MYO18B: variants seen among roughly 807,000 people sequenced by gnomAD.
MYO18B encodes the protein myosin XVIIIB.
In MYO18B, 204 loss-of-function variants were observed where a neutral mutation model predicts 273.0. That is an observed-to-expected ratio of 0.75 (90% CI 0.67 to 0.84). The LOEUF is 0.84. Among genes scored for constraint, MYO18B ranks in the 40% least tolerant of loss-of-function variants. The pLI is 0.00. For missense variants in MYO18B, 3,212 were observed against 3,287.6 expected, an observed-to-expected ratio of 0.98 and a Z score of 0.56; for synonymous variants, 1,330 against 1,305.7, an observed-to-expected ratio of 1.02 and a Z score of -0.40.
At chr22:26,060,759 T>C in the MYO18B span, among the ~76,000 whole-genome samples, 2 of 150,734 alleles carry the variant, frequency 1.3e-5, no homozygotes, top group East Asian at 1.9e-4. Context: ...CACATATACA[T>C]ACAAACATGC....
intron 1 of MYO18B, among the ~76,000 whole-genome samples, chr22:25,757,324 G>A (rs1417322435): frequency 1.3e-5 from 2 of 152,180 alleles, no homozygotes; most frequent in Admixed American, 1.3e-4. Flanking sequence ...GGTCAGGCCA[G>A]GTGCAGTGGC....
At position 25,898,303 on chromosome 22, in the gene MYO18B, A is replaced by C. The variant is rs1337588576; in HGVS notation, c.4669-4A>C. 3 of 1,612,076 alleles carry C rather than the reference A, an allele frequency of 1.9e-6. No individual in the cohort carries two copies. The South Asian group carries it at 3.3e-5, about 18-fold the overall frequency. On this transcript the variant is annotated splice_polypyrimidine_tract_variant and splice_region_variant and intron_variant, in intron 28 of 43. Coordinates refer to ENST00000335473, the MANE Select transcript of MYO18B (RefSeq NM_032608.7). Reference sequence around the variant, plus strand: ...CCGGGTAATTCATTCTATTACTCTTACAGCTTGGGGAGTTGCAAAGTGCTT... The same window carrying C: ...CCGGGTAATTCATTCTATTACTCTTCCAGCTTGGGGAGTTGCAAAGTGCTT...
chr22:25,844,520 T>A (rs1375938002), intron 18 of MYO18B, among the ~76,000 whole-genome samples: 3 of 152,216 alleles, frequency 2.0e-5, no homozygotes, highest in Non-Finnish European at 4.4e-5. Context: ...CACTACTCCC[T>A]ATGTGCCTTG....
At chr22:25,999,363 A>T (rs1248455637) in intron 40 of MYO18B, among the ~76,000 whole-genome samples, 1 of 152,142 alleles carries the variant, frequency 6.6e-6, no homozygotes, top group Admixed American at 6.5e-5. Flanking sequence ...ATGAATTTAC[A>T]TGTTACTTCC....
At chr22:25,943,052 C>CT (rs750046598) in intron 34 of MYO18B, among the ~76,000 whole-genome samples, 1 of 152,154 alleles carries the variant, frequency 6.6e-6, no homozygotes, top group African/African-American at 2.4e-5. Context: ...GAAGTAGGGG[C>CT]TGGGCAGATG....
intron 7 of MYO18B, among the ~76,000 whole-genome samples, chr22:25,776,835 A>G (rs2086934446): frequency 6.6e-6 from 1 of 152,196 alleles, no homozygotes; most frequent in African/African-American, 2.4e-5. Context: ...TCACTGTAGA[A>G]GAAACTGCCA....
At chr22:25,875,789 A>G (rs1371073598) in intron 23 of MYO18B, among the ~76,000 whole-genome samples, 2 of 152,180 alleles carry the variant, frequency 1.3e-5, no homozygotes, top group African/African-American at 4.8e-5. Context: ...ATAATCGTGG[A>G]CATTGTTATT....
At chr22:25,756,417 C>T (rs1419713748) in intron 1 of MYO18B, 2 of 152,334 alleles carry the variant, frequency 1.3e-5, no homozygotes, top group African/African-American at 4.8e-5. Flanking sequence ...TGCAGGGCTG[C>T]GTAGGCATGC....
At chr22:25,961,498 G>A (rs1308817581) in intron 39 of MYO18B, among the ~76,000 whole-genome samples, 1 of 152,128 alleles carries the variant, frequency 6.6e-6, no homozygotes, top group African/African-American at 2.4e-5. Flanking sequence ...TTTAGTAAAT[G>A]TGCTATTCCT....
At position 25,904,550 on chromosome 22, in the gene MYO18B, C is replaced by CG. The variant is rs139604754; in HGVS notation, c.5148+723dup. Among the ~76,000 whole-genome samples the CG allele has an allele frequency of 2.4e-3, 371 of 152,264 alleles. 8 individuals carry two copies. The East Asian group carries it at 0.055, about 23-fold the overall frequency. ...ATGTGCTAGGCATTGTGCACAGCTT[C>CG]GGGGCAGATTGAAGTGCTACTCTTT... On this transcript the variant is annotated intron_variant, in intron 31 of 43. Coordinates refer to ENST00000335473, the MANE Select transcript of MYO18B (RefSeq NM_032608.7).
rs1392445396 is a variant in MYO18B, at chr22:25,828,851, C to T, written c.2862C>T (p.His954=). ...CTCCAGGCTTCCAGAACCCCCGGCA[C>T]CAGGGCAAGGACCGGGCGGCCACCT... ...VDSPGFQNPR[H]QGKDRAATFE... The change falls in exon 15 of 44, where the codon CAC becomes CAT. Residue 954 remains histidine (H), a synonymous_variant. Coordinates refer to ENST00000335473, the MANE Select transcript of MYO18B (RefSeq NM_032608.7). 6.2e-7 allele frequency: 1 copy of T among 1,613,992 alleles called. No homozygotes were observed. The highest frequency in any genetic ancestry group is 1.7e-5 in the Admixed American group (1 of 60,032).
chr22:26,034,017 ATCT>A (rs1238341158), downstream of MYO18B, among the ~76,000 whole-genome samples: 1 of 147,746 alleles, frequency 6.8e-6, no homozygotes, highest in Non-Finnish European at 1.5e-5. Flanking sequence ...GAAATGTGTG[ATCT>A]TGGCTCTCTG....
At chr22:26,043,060 T>C in the MYO18B span, among the ~76,000 whole-genome samples, 1 of 152,232 alleles carries the variant, frequency 6.6e-6, no homozygotes, top group Non-Finnish European at 1.5e-5. Context: ...CCCAGTCAAG[T>C]GTTCCCTCCT....
chr22:25,992,568 CGGGCT>C (rs2093281433), intron 40 of MYO18B, 75 bp downstream of exon 40: 1 of 1,585,634 alleles, frequency 6.3e-7, no homozygotes, highest in Non-Finnish European at 8.6e-7. Flanking sequence ...GCCCTTTAGC[CGGGCT>C]GGGGCCACAT....
chr22:25,965,240 G>C, intron 39 of MYO18B, among the ~76,000 whole-genome samples: 1 of 152,204 alleles, frequency 6.6e-6, no homozygotes, highest in East Asian at 1.9e-4. Flanking sequence ...ACCTTCGGGG[G>C]AAAAGTGTAA....
intron 32 of MYO18B, among the ~76,000 whole-genome samples, chr22:25,909,821 G>A (rs766773610): frequency 6.6e-6 from 1 of 152,154 alleles, no homozygotes; most frequent in South Asian, 2.1e-4. Flanking sequence ...TAGTGACCTG[G>A]GTGGGAATGC....
chr22:26,038,243 G>T, the MYO18B span, among the ~76,000 whole-genome samples: 1 of 152,094 alleles, frequency 6.6e-6, no homozygotes. Flanking sequence ...CCAAGTTCTG[G>T]TCTCAAAGAT....
Position 25,902,668 on chromosome 22 carries a change from C to T in MYO18B, c.4879C>T (p.Arg1627Cys), listed in dbSNP as rs267606199. The change falls in exon 30 of 44, where the codon CGT becomes TGT. Residue 1627 changes from arginine (R) to cysteine (C), a missense_variant. By Grantham distance (180) the Arg-to-Cys change is radical (BLOSUM62 -3). Transcript: ENST00000335473. ...TGAGTCAGTGTTTGAGAAGGGTCTC[C>T]GTGAGAAAGTGACCCAGGAGAACAC... The part of the protein sequence containing the change: ...LGESVFEKGL[R>C]EKVTQENTSV... 3.0e-5 allele frequency: 48 copies of T among 1,600,296 alleles called. No individual in the cohort carries two copies. Among genetic ancestry groups the T allele is most frequent in the South Asian group, 1.1e-4 (10 of 88,132 alleles).
chr22:26,055,461 T>C, the MYO18B span, among the ~76,000 whole-genome samples: 1 of 152,218 alleles, frequency 6.6e-6, no homozygotes, highest in Admixed American at 6.5e-5. Context: ...ACCTTTGTCA[T>C]TATTAAATCA....
Sources: gnomAD v4.1 joint callset for allele counts (sites outside exome capture counted in the v4.1 genomes callset) on GRCh38, gnomAD v4.1.1 for gene constraint, MANE v1.5 for transcripts, NCBI Gene and HGNC (gene_info 2026-07-23, HGNC 2026-07-21) for gene names.